GABRA2: variants seen among roughly 807,000 people sequenced by gnomAD.
The protein encoded by GABRA2 is gamma-aminobutyric acid receptor subunit alpha-2.
Under a neutral mutation model 48.7 loss-of-function variants are expected in GABRA2, and 16 were observed. The observed-to-expected ratio is 0.33, with a 90% CI of 0.22 to 0.50. GABRA2 has a LOEUF of 0.50. GABRA2 is among the 20% of genes least tolerant of loss of function. The pLI, the probability that GABRA2 is intolerant of heterozygous loss-of-function variation, is 0.98. For missense variants in GABRA2, 275 were observed against 535.6 expected (o/e 0.51, Z 4.80); for synonymous variants, 185 against 184.5 (o/e 1.00, Z -0.02).
At chr4:46,303,356 C>A in intron 8 of GABRA2, 104 bp downstream of exon 8, 1 of 1,144,552 alleles carries the variant, frequency 8.7e-7, no homozygotes, top group Non-Finnish European at 1.3e-6. Context: ...TACTCCCCGC[C>A]CCACCTACTA....
chr4:46,352,335 C>T (rs1277483930), intron 3 of GABRA2, among the ~76,000 whole-genome samples: 1 of 151,866 alleles, frequency 6.6e-6, no homozygotes, highest in Non-Finnish European at 1.5e-5. Flanking sequence ...CTGTTTACAA[C>T]TGTTGAGCCT....
intron 8 of GABRA2, among the ~76,000 whole-genome samples, chr4:46,282,968 GCCAGACGCCA>G: frequency 6.6e-6 from 1 of 152,234 alleles, no homozygotes; most frequent in South Asian, 2.1e-4. Flanking sequence ...TAAGAAACTT[GCCAGACGCCA>G]CATAGTTTGG....
At chr4:46,314,203 T>G (rs1260345613) in intron 4 of GABRA2, among the ~76,000 whole-genome samples, 1 of 152,186 alleles carries the variant, frequency 6.6e-6, no homozygotes, top group Non-Finnish European at 1.5e-5. Flanking sequence ...CGTAAGTATT[T>G]CTTTTTTAAC....
At chr4:46,354,518 C>T (rs1360066803) in intron 3 of GABRA2, among the ~76,000 whole-genome samples, 1 of 152,092 alleles carries the variant, frequency 6.6e-6, no homozygotes, top group African/African-American at 2.4e-5. Context: ...AATTGGTTAT[C>T]CTTTTCATTC....
intron 3 of GABRA2, among the ~76,000 whole-genome samples, chr4:46,356,662 C>A (rs1320366359): frequency 6.6e-6 from 1 of 152,116 alleles, no homozygotes; most frequent in East Asian, 1.9e-4. Flanking sequence ...CTAATGGCCT[C>A]AAGATTAGTA....
intron 8 of GABRA2, among the ~76,000 whole-genome samples, chr4:46,279,755 A>G (rs1721161850): frequency 6.6e-6 from 1 of 152,072 alleles, no homozygotes; most frequent in African/African-American, 2.4e-5. Flanking sequence ...TATGCAGGAA[A>G]CTTAGGGATC....
rs1718008476 is a variant in GABRA2, at chr4:46,389,845, GAGA to G, written c.-124_-122del. 2 of 979,618 alleles carry G rather than the reference GAGA, an allele frequency of 2.0e-6. No homozygotes were observed. Among genetic ancestry groups the G allele is most frequent in the African/African-American group, 3.6e-5 (2 of 55,420 alleles). The allele number at this position is 979,618 out of a possible 1,614,324, so 60.7% of individuals were successfully genotyped here. A position where few individuals can be genotyped will look rare whatever the true frequency, so the allele number is the denominator to read the frequency against. On this transcript the variant is annotated 5_prime_UTR_variant, in exon 1 of 10. Coordinates refer to ENST00000381620, the MANE Select transcript of GABRA2 (RefSeq NM_000807.4). ...AGAGAGAGAGAGAGAGAGAGAGAGA[GAGA>G]GAGAGAGAGAGAGACCGAGACTGCA...
At position 46,277,687 on chromosome 4, in the gene GABRA2, C is replaced by A. The variant is rs574843453; in HGVS notation, c.857-15559G>T. ...AATGTCCTTTCCTATCTCTGCATGACCTTATCCATGGGCTGCAAATTCAAA... is the reference window on the plus strand; with the variant it reads ...AATGTCCTTTCCTATCTCTGCATGAACTTATCCATGGGCTGCAAATTCAAA... On this transcript the variant is annotated intron_variant, in intron 8 of 9. Transcript: ENST00000381620. 3.9e-5 allele frequency among the ~76,000 whole-genome samples: 6 copies of A among 152,200 alleles called. No individual in the cohort carries two copies. In the South Asian group the frequency reaches 1.2e-3, roughly 32 times the overall value.
chr4:46,287,274 A>T (rs1722733065), intron 8 of GABRA2, among the ~76,000 whole-genome samples: 2 of 132,560 alleles, frequency 1.5e-5, no homozygotes, highest in Non-Finnish European at 3.4e-5. Context: ...AGGTAGCGTG[A>T]TTCCTCCAGC....
chr4:46,286,489 G>C (rs1340246033), intron 8 of GABRA2, among the ~76,000 whole-genome samples: 1 of 149,328 alleles, frequency 6.7e-6, no homozygotes, highest in Non-Finnish European at 1.5e-5. Context: ...AGGGTCTTAC[G>C]GTAATTCTCT....
chr4:46,330,591 T>TATATATAGAGAG (rs1411755120), intron 4 of GABRA2, among the ~76,000 whole-genome samples: 28 of 122,676 alleles, frequency 2.3e-4, no homozygotes, highest in East Asian at 1.5e-3. Context: ...TATATATATA[T>TATATATAGAGAG]AGAGAGAGAG....
intron 4 of GABRA2, among the ~76,000 whole-genome samples, chr4:46,321,497 A>G (rs548901975): frequency 4.6e-5 from 7 of 152,166 alleles, no homozygotes; most frequent in African/African-American, 1.7e-4. Context: ...ATCTTTTCAC[A>G]ATTAAAACTA....
chr4:46,254,623 A>G (rs936953824), intron 9 of GABRA2, among the ~76,000 whole-genome samples: 1 of 151,376 alleles, frequency 6.6e-6, no homozygotes, highest in Admixed American at 6.6e-5. Flanking sequence ...ACAAGTTGAG[A>G]ATGGGATCAG....
intron 3 of GABRA2, among the ~76,000 whole-genome samples, chr4:46,349,572 G>T (rs1734770457): frequency 6.6e-6 from 1 of 151,784 alleles, no homozygotes; most frequent in Non-Finnish European, 1.5e-5. Flanking sequence ...AGTAGAGTTT[G>T]GTTTTCATTT....
At chr4:46,306,879 T>G (rs1726791121) in intron 6 of GABRA2, among the ~76,000 whole-genome samples, 1 of 152,136 alleles carries the variant, frequency 6.6e-6, no homozygotes, top group Admixed American at 6.6e-5. Flanking sequence ...CACTCAACCA[T>G]CAGTAACAAT....
In GABRA2 at chr4:46,330,581, T is replaced by TAG. The variant is rs1208739474; in HGVS notation, c.255+2033_255+2034insCT. 6.6e-3 allele frequency among the ~76,000 whole-genome samples: 693 copies of TAG among 105,328 alleles called. 2 individuals carry two copies. Among genetic ancestry groups the TAG allele is most frequent in the Middle Eastern group, 0.023 (5 of 216 alleles). The allele number at this position is 105,328 out of a possible 152,430, so 69.1% of individuals were successfully genotyped here. A position where few individuals can be genotyped will look rare whatever the true frequency, so the allele number is the denominator to read the frequency against. ...ATATATGCATATATATATATATATATATATATATATAGAGAGAGAGAGAGA... is the reference window on the plus strand; with the variant it reads ...ATATATGCATATATATATATATATATAGATATATATATAGAGAGAGAGAGAGA... On this transcript the variant is annotated intron_variant, in intron 4 of 9. Coordinates refer to ENST00000381620, the MANE Select transcript of GABRA2 (RefSeq NM_000807.4).
At chr4:46,256,487 T>C in intron 9 of GABRA2, 2 of 411,532 alleles carry the variant, frequency 4.9e-6, no homozygotes, top group South Asian at 1.5e-4. Flanking sequence ...ACATTTGTTT[T>C]TTCAAAAGGC....
intron 3 of GABRA2, among the ~76,000 whole-genome samples, chr4:46,345,108 T>G (rs1578122309): frequency 6.6e-6 from 1 of 151,898 alleles, no homozygotes; most frequent in South Asian, 2.1e-4. Context: ...TCCAATGGTT[T>G]TATAAGGGGC....
chr4:46,315,218 C>A (rs2109711991), intron 4 of GABRA2, among the ~76,000 whole-genome samples: 1 of 150,004 alleles, frequency 6.7e-6, no homozygotes, highest in Non-Finnish European at 1.5e-5. Flanking sequence ...TTTTGATTTC[C>A]ATTTCTCTGA....
Sources: allele counts gnomAD v4.1 joint callset (sites outside exome capture counted in the v4.1 genomes callset), GRCh38; gene constraint gnomAD v4.1.1; transcripts MANE v1.5; gene names NCBI Gene and HGNC (gene_info 2026-07-23, HGNC 2026-07-21).